LRMDA: variants seen among roughly 807,000 people sequenced by gnomAD.
LRMDA encodes the protein leucine-rich melanocyte differentiation-associated protein.
In LRMDA, 18 loss-of-function variants were observed where a neutral mutation model predicts 29.8. The observed-to-expected ratio is 0.60, with a 90% CI of 0.42 to 0.90. The LOEUF (loss-of-function observed/expected upper bound fraction) is 0.90. Ranked by LOEUF, LRMDA falls within the 40% of genes least tolerant of loss-of-function variation. LRMDA has a pLI of 0.00. For synonymous variants in LRMDA, 125 were observed against 109.4 expected (o/e 1.14, Z -0.89); for missense variants, 273 against 273.9 (o/e 1.00, Z 0.02).
At chr10:75,969,512 C>T (rs1194851672) in intron 2 of LRMDA, among the ~76,000 whole-genome samples, 1 of 152,216 alleles carries the variant, frequency 6.6e-6, no homozygotes, top group East Asian at 1.9e-4. Flanking sequence ...TACTGAGGTT[C>T]AGCACAGTGG....
chr10:76,474,044 A>G (rs1262049118), intron 6 of LRMDA, among the ~76,000 whole-genome samples: 2 of 151,710 alleles, frequency 1.3e-5, no homozygotes, highest in African/African-American at 4.8e-5. Context: ...CTAGGAGTCC[A>G]GAAAAAAGTC....
chr10:75,977,827 C>T (rs766722735), intron 2 of LRMDA, among the ~76,000 whole-genome samples: 7 of 152,148 alleles, frequency 4.6e-5, no homozygotes, highest in African/African-American at 1.4e-4. Context: ...GTCACACTGT[C>T]GGGTTGAGTT....
At chr10:76,215,555 G>T (rs1381829061) in intron 5 of LRMDA, among the ~76,000 whole-genome samples, 1 of 151,876 alleles carries the variant, frequency 6.6e-6, no homozygotes, top group Non-Finnish European at 1.5e-5. Flanking sequence ...AAAAAAGTGT[G>T]CATCCGTCAC....
At chr10:76,489,023 A>T (rs1273173920) in intron 6 of LRMDA, among the ~76,000 whole-genome samples, 1 of 151,852 alleles carries the variant, frequency 6.6e-6, no homozygotes, top group East Asian at 1.9e-4. Context: ...TTGATACCAG[A>T]ATTAGCATAG....
intron 2 of LRMDA, among the ~76,000 whole-genome samples, chr10:75,988,552 T>A (rs1443402380): frequency 6.6e-6 from 1 of 151,974 alleles, no homozygotes; most frequent in East Asian, 1.9e-4. Flanking sequence ...TTTCTCCCTT[T>A]CCCACCAAGA....
At chr10:75,548,724 T>G (rs1049450362) in intron 2 of LRMDA, among the ~76,000 whole-genome samples, 2 of 152,236 alleles carry the variant, frequency 1.3e-5, no homozygotes, top group East Asian at 1.9e-4. Flanking sequence ...ATTTCTTATC[T>G]CTTTGATCTC....
chr10:76,324,381 A>T lies in LRMDA; in HGVS notation c.517-20A>T. ...TGGTGTTTGGTGTTGCTTCATGTTG[A>T]CTTTGCTTTTGTCACACAGGCTTCT... On this transcript the variant is annotated intron_variant, in intron 5 of 6. Coordinates refer to ENST00000611255, the MANE Select transcript of LRMDA (RefSeq NM_001305581.2). 6.2e-7 allele frequency: 1 copy of T among 1,612,324 alleles called. No homozygotes were observed. The highest frequency in any genetic ancestry group is 8.5e-7 in the Non-Finnish European group (1 of 1,178,428).
At chr10:75,457,098 G>A (rs949305886) in intron 2 of LRMDA, among the ~76,000 whole-genome samples, 4 of 152,200 alleles carry the variant, frequency 2.6e-5, no homozygotes, top group African/African-American at 9.6e-5. Flanking sequence ...GGCAAGCAAG[G>A]TGTTCTTTCC....
intron 6 of LRMDA, among the ~76,000 whole-genome samples, chr10:76,515,557 G>A (rs1470052078): frequency 6.6e-6 from 1 of 152,036 alleles, no homozygotes; most frequent in African/African-American, 2.4e-5. Flanking sequence ...CCGGGCTGGA[G>A]TACAGTGGCA....
intron 2 of LRMDA, among the ~76,000 whole-genome samples, chr10:75,524,139 G>A (rs1300728972): frequency 6.6e-6 from 1 of 152,172 alleles, no homozygotes; most frequent in Admixed American, 6.5e-5. Flanking sequence ...TTATAGAGGG[G>A]TCTTGGACAA....
intron 6 of LRMDA, among the ~76,000 whole-genome samples, chr10:76,528,132 C>A (rs941829728): frequency 6.6e-6 from 1 of 152,092 alleles, no homozygotes; most frequent in African/African-American, 2.4e-5. Flanking sequence ...TGGCCCTGTG[C>A]ATTGAGGCTA....
intron 2 of LRMDA, among the ~76,000 whole-genome samples, chr10:75,755,580 G>A (rs1843022138): frequency 6.6e-6 from 1 of 152,228 alleles, no homozygotes; most frequent in South Asian, 2.1e-4. Context: ...GCTATGACTT[G>A]GGAATCAGGG....
chr10:75,459,854 C>T (rs994839174), intron 2 of LRMDA, among the ~76,000 whole-genome samples: 5 of 152,198 alleles, frequency 3.3e-5, no homozygotes, highest in Non-Finnish European at 5.9e-5. Flanking sequence ...CTTGCAGCCT[C>T]AAGCCCTTTT....
At chr10:75,523,335 G>C (rs1845382441) in intron 2 of LRMDA, among the ~76,000 whole-genome samples, 1 of 152,142 alleles carries the variant, frequency 6.6e-6, no homozygotes, top group Non-Finnish European at 1.5e-5. Flanking sequence ...CTACATGGTG[G>C]CTTATGTGGG....
intron 2 of LRMDA, among the ~76,000 whole-genome samples, chr10:75,565,222 G>A (rs1380193136): frequency 6.6e-6 from 1 of 152,160 alleles, no homozygotes; most frequent in Non-Finnish European, 1.5e-5. Flanking sequence ...TGTGGGTTTG[G>A]GGGAATGGTT....
rs11271217 is a variant in LRMDA, at chr10:75,608,129, T to TATATATATATATATATATACACAC, written c.131+169636_131+169637insTATATATATATATATATACACACA. Among the ~76,000 whole-genome samples, 186 of 89,380 alleles carry TATATATATATATATATATACACAC rather than the reference T, an allele frequency of 2.1e-3. 2 individuals are homozygous for TATATATATATATATATATACACAC. The highest frequency in any genetic ancestry group is 3.5e-3 in the Non-Finnish European group (128 of 36,864). 58.6% of individuals were successfully genotyped at this position (89,380 alleles called of 152,430 possible). A position where few individuals can be genotyped will look rare whatever the true frequency, so the allele number is the denominator to read the frequency against. ...GTGTGTGTATATATATATATATATA[T>TATATATATATATATATATACACAC]ACACACACATACACAAAGCAATATT... On this transcript the variant is annotated intron_variant, in intron 2 of 6. Transcript: ENST00000611255.
chr10:76,334,023 G>A (rs1280969684), intron 6 of LRMDA, among the ~76,000 whole-genome samples: 9 of 152,186 alleles, frequency 5.9e-5, no homozygotes, highest in Non-Finnish European at 8.8e-5. Context: ...ATGGAAGACC[G>A]GTGGAGTTAA....
chr10:75,782,302 T>G (rs1429383887), intron 2 of LRMDA, among the ~76,000 whole-genome samples: 2 of 152,172 alleles, frequency 1.3e-5, no homozygotes, highest in Non-Finnish European at 2.9e-5. Context: ...TGGGGGTGTG[T>G]GTGTGTGATG....
chr10:75,545,239 A>G (rs1234716063), intron 2 of LRMDA, among the ~76,000 whole-genome samples: 1 of 152,228 alleles, frequency 6.6e-6, no homozygotes, highest in African/African-American at 2.4e-5. Flanking sequence ...TATGACATAT[A>G]GAAATGAGAT....
Sources: gnomAD v4.1 joint callset for allele counts (sites outside exome capture counted in the v4.1 genomes callset) on GRCh38, gnomAD v4.1.1 for gene constraint, MANE v1.5 for transcripts, NCBI Gene and HGNC (gene_info 2026-07-23, HGNC 2026-07-21) for gene names.